The following ATAD3A variants were observed in gnomAD, a reference collection of about 807,000 sequenced individuals.
ATAD3A encodes the protein ATPase family AAA domain containing 3A.
In ATAD3A, 46 loss-of-function variants were observed where a neutral mutation model predicts 73.8. The observed-to-expected ratio is 0.62, with a 90% confidence interval of 0.49 to 0.80. The LOEUF (loss-of-function observed/expected upper bound fraction) is 0.80. Among genes scored for constraint, ATAD3A ranks in the 30% least tolerant of loss-of-function variants. The probability of loss-of-function intolerance (pLI) is 0.00; values close to 1 mark genes in which losing one functional copy is unlikely to be tolerated. For synonymous variants in ATAD3A, 319 were observed against 350.0 expected (o/e 0.91, Z 0.99); for missense variants, 705 against 838.0 (o/e 0.84, Z 1.96).
At chr1:1,527,911 T>C in intron 14 of ATAD3A, 49 bp downstream of exon 14, 2 of 1,569,862 alleles carry the variant, frequency 1.3e-6, no homozygotes, top group Non-Finnish European at 1.7e-6. Flanking sequence ...TCGCTCAGGG[T>C]CCACCCCGAC....
chr1:1,515,914 T>C, intron 1 of ATAD3A, 98 bp from the exon 2 acceptor site: 1 of 1,418,316 alleles, frequency 7.1e-7, no homozygotes, highest in Admixed American at 2.0e-5. Context: ...GGTCGAGGCG[T>C]GGCCGTGGAT....
chr1:1,522,644 C>T (rs778232773), intron 7 of ATAD3A, 100 bp from the exon 8 acceptor site: 1 of 1,566,276 alleles, frequency 6.4e-7, no homozygotes, highest in Non-Finnish European at 8.7e-7. Context: ...CTGTGCTTCT[C>T]CCTCGGGCGG....
rs1255675262 is a variant in ATAD3A, at chr1:1,527,144, C to A, written c.1338-551C>A. 5 of 1,300,366 alleles carry A rather than the reference C, an allele frequency of 3.8e-6. No homozygotes were observed. The African/African-American group carries it at 6.1e-5, about 16-fold the overall frequency. The allele number at this position is 1,300,366 out of a possible 1,614,324, so 80.6% of individuals were successfully genotyped here. On this transcript the variant is annotated intron_variant, in intron 13 of 15. Coordinates refer to ENST00000378756, the MANE Select transcript of ATAD3A (RefSeq NM_001170535.3). ...TCCCCTAATTTTGAGTTTTCTTGGT[C>A]TCCTGGGCCCCTCCAGCCCCAGTCA... is the stretch of plus-strand genomic sequence containing the variant.
chr1:1,512,446 A>T lies in ATAD3A; in HGVS notation c.178A>T (p.Lys60Ter), dbSNP rs1372223273. 13 of 1,198,628 alleles carry T rather than the reference A, an allele frequency of 1.1e-5. No homozygotes were observed. Among genetic ancestry groups the T allele is most frequent in the African/African-American group, 1.7e-5 (1 of 58,784 alleles). 74.2% of individuals were successfully genotyped at this position (1,198,628 alleles called of 1,614,324 possible). ...FDPTGLERAA[K>*]AARELEHSRY... ...CCCCACCGGCCTGGAGCGCGCCGCC[A>T]AGGCGGCGCGCGAGCTGGAGCACTC... Residue 60 changes from lysine (K) to a stop codon, truncating the protein, a stop_gained, in exon 1 of 16, where the codon AAG (lysine) becomes TAG (stop). Transcript: ENST00000378756. LOFTEE classifies it high-confidence loss of function.
In ATAD3A at chr1:1,522,868, C is replaced by T. The variant is rs552002436; in HGVS notation, c.875C>T (p.Thr292Met). The change falls in exon 8 of 16, where the codon ACG (threonine) becomes ATG (methionine). Residue 292 changes from threonine to methionine, a missense_variant. Around this residue, in one of 5 missense-constraint regions of ATAD3A, gnomAD observed 315 missense variants for 334.1 expected, o/e 0.94. Coordinates refer to ENST00000378756, the MANE Select transcript of ATAD3A (RefSeq NM_001170535.3). ...CTAGTGAGGGAGACGTCCCGCATCA[C>T]GGTGCTTGAGGCGCTGCGGCACCCC... is the stretch of plus-strand genomic sequence containing the variant. Reference protein sequence around the residue: ...PSLVRETSRITVLEALRHPIQ... With the variant: ...PSLVRETSRIMVLEALRHPIQ... The T allele has an allele frequency of 4.6e-5, 74 of 1,609,678 alleles. 1 individual carries two copies. Among genetic ancestry groups the T allele is most frequent in the South Asian group, 7.7e-5 (7 of 90,848 alleles).
At position 1,522,851 on chromosome 1, in the gene ATAD3A, G is replaced by A. The variant is rs1338731424; in HGVS notation, c.858G>A (p.Arg286=). The A allele has an allele frequency of 6.2e-7, 1 of 1,610,258 alleles. No homozygotes were observed. Among genetic ancestry groups the A allele is most frequent in the Admixed American group, 1.7e-5 (1 of 59,930 alleles). ...GGCTGGGGAAGCCGTCCCTAGTGAG[G>A]GAGACGTCCCGCATCACGGTGCTTG... The part of the protein sequence containing the change: ...EARLGKPSLV[R]ETSRITVLEA... Residue 286 remains arginine (R), a synonymous_variant, in exon 8 of 16, where the codon AGG becomes AGA. Transcript: ENST00000378756.
In ATAD3A at chr1:1,520,319, G is replaced by A. The variant is rs761244485; in HGVS notation, c.680+13G>A. On this transcript the variant is annotated intron_variant, in intron 6 of 15. Transcript: ENST00000378756. This position sits in a 1 kb window ranked among gnomAD's most constrained non-coding sequence, Gnocchi z 4.0. Reference sequence around the variant, plus strand: ...TGGAGTCCATCAGGTGAGCACTGCCGAGGCCCGGGCCGGCCACAGATGGAG... The same window carrying A: ...TGGAGTCCATCAGGTGAGCACTGCCAAGGCCCGGGCCGGCCACAGATGGAG... 4.4e-6 allele frequency: 7 copies of A among 1,608,496 alleles called. No individual in the cohort carries two copies. The Admixed American group carries it at 5.0e-5, about 12-fold the overall frequency.
intron 15 of ATAD3A, among the ~76,000 whole-genome samples, chr1:1,530,390 T>A (rs905061955): frequency 6.6e-6 from 1 of 152,166 alleles, no homozygotes; most frequent in Admixed American, 6.5e-5. Flanking sequence ...AAAAATTAGC[T>A]GGACCTGGTG....
Position 1,529,171 on chromosome 1 carries a change from G to A in ATAD3A, c.1506-52G>A, listed in dbSNP as rs752068992. On this transcript the variant is annotated intron_variant, in intron 14 of 15. Transcript: ENST00000378756. ...CTGCCTGTCTTCCGGCCTCCACCTCGTGTTGTGGGAGCTGCTGCCTTGGCC... is the reference window on the plus strand; with the variant it reads ...CTGCCTGTCTTCCGGCCTCCACCTCATGTTGTGGGAGCTGCTGCCTTGGCC... 1.4e-5 allele frequency: 22 copies of A among 1,596,012 alleles called. No individual in the cohort carries two copies. The East Asian group carries it at 1.6e-4, about 11-fold the overall frequency.
chr1:1,525,272 T>G lies in ATAD3A; in HGVS notation c.1247T>G (p.Phe416Cys), dbSNP rs1258864155. Residue 416 changes from phenylalanine to cysteine, a missense_variant, in exon 12 of 16, where the codon TTC (phenylalanine) becomes TGC (cysteine). Phe to Cys is a radical substitution (Grantham distance 205). Around this residue, in one of 5 missense-constraint regions of ATAD3A, gnomAD observed 252 missense variants for 278.5 expected, o/e 0.90. Transcript: ENST00000378756. ...CTCTTTGTGGATGAAGCGGACGCCT[T>G]CCTTCGGAAGCGAGCCACCGTGAGT... is the stretch of plus-strand genomic sequence containing the variant. ...LLLFVDEADA[F>C]LRKRATEKIS... 3.3e-5 allele frequency: 54 copies of G among 1,613,820 alleles called. No individual in the cohort carries two copies. The highest frequency in any genetic ancestry group is 4.6e-5 in the Non-Finnish European group (54 of 1,179,994).
rs548644017 is a variant in ATAD3A, at chr1:1,522,885, C to A, written c.892C>A (p.Arg298=). 1 of 1,608,426 alleles carries A rather than the reference C, an allele frequency of 6.2e-7. No individual in the cohort carries two copies. Among genetic ancestry groups the A allele is most frequent in the African/African-American group, 1.4e-5 (1 of 73,720 alleles). The part of the protein sequence containing the change: ...TSRITVLEAL[R]HPIQVSRRLL... ...CCGCATCACGGTGCTTGAGGCGCTG[C>A]GGCACCCCATCCAGGTAGCAGCGCA... Residue 298 remains arginine (R), a synonymous_variant, in exon 8 of 16, where the codon CGG becomes AGG. Coordinates refer to ENST00000378756, the MANE Select transcript of ATAD3A (RefSeq NM_001170535.3).
intron 1 of ATAD3A, among the ~76,000 whole-genome samples, chr1:1,513,759 C>T (rs1204651908): frequency 6.6e-6 from 1 of 152,096 alleles, no homozygotes; most frequent in African/African-American, 2.4e-5. Flanking sequence ...CAAGCCCGGC[C>T]CCTCCCGACG....
chr1:1,518,190 T>G (rs1347532309), intron 4 of ATAD3A, among the ~76,000 whole-genome samples: 1 of 138,042 alleles, frequency 7.2e-6, no homozygotes, highest in Middle Eastern at 4.5e-3. Flanking sequence ...ACATGGACAC[T>G]CACACCTGTA....
rs1192304165 is a variant in ATAD3A, at chr1:1,529,322, G to A, written c.1605G>A (p.Val535=). 1.9e-6 allele frequency: 3 copies of A among 1,585,180 alleles called. No individual in the cohort carries two copies. Among genetic ancestry groups the A allele is most frequent in the East Asian group, 2.3e-5 (1 of 43,852 alleles). ...GCCGGGAGATCGCTCAGCTGGCCGT[G>A]TCCTGGCAGGTGAGTCAGGCTCCGG... The part of the protein sequence containing the change: ...MSGREIAQLA[V]SWQATAYASE... Residue 535 remains valine (V), a synonymous_variant, in exon 15 of 16, where the codon GTG becomes GTA. Coordinates refer to ENST00000378756, the MANE Select transcript of ATAD3A (RefSeq NM_001170535.3).
At chr1:1,516,170 G>A in intron 2 of ATAD3A, 82 bp downstream of exon 2, 7 of 1,594,228 alleles carry the variant, frequency 4.4e-6, no homozygotes, top group East Asian at 4.5e-5. Flanking sequence ...CTGCCGGTGG[G>A]TAGGGCCGGG....
At chr1:1,522,350 G>A (rs530491868) in intron 7 of ATAD3A, among the ~76,000 whole-genome samples, 4 of 152,272 alleles carry the variant, frequency 2.6e-5, no homozygotes, top group Admixed American at 2.6e-4. Context: ...CAGCCTAATT[G>A]ATTTTTAAAA....
intron 11 of ATAD3A, 64 bp from the exon 12 acceptor site, chr1:1,525,176 G>A (rs371591033): frequency 3.1e-5 from 50 of 1,608,030 alleles, no homozygotes; most frequent in Admixed American, 1.0e-4. Flanking sequence ...TGCCGCGGCC[G>A]GACGCTGCTG....
At chr1:1,531,226 G>A (rs182415135) in intron 15 of ATAD3A, among the ~76,000 whole-genome samples, 12 of 152,166 alleles carry the variant, frequency 7.9e-5, no homozygotes, top group Admixed American at 6.5e-4. Context: ...AGGCCAAGGC[G>A]GGCAGATCAC....
At chr1:1,514,058 C>A (rs1020410398) in intron 1 of ATAD3A, among the ~76,000 whole-genome samples, 2 of 152,082 alleles carry the variant, frequency 1.3e-5, no homozygotes, top group African/African-American at 2.4e-5. Context: ...AGCCTCGTGC[C>A]CTGTGGGTGT....
Sources: allele counts gnomAD v4.1 joint callset (sites outside exome capture counted in the v4.1 genomes callset), GRCh38; gene constraint gnomAD v4.1.1; regional missense constraint gnomAD v4.1.1; non-coding constraint Gnocchi (gnomAD v3.1); transcripts MANE v1.5; gene names NCBI Gene and HGNC (gene_info 2026-07-23, HGNC 2026-07-21).